THSD7B: variants seen among roughly 807,000 people sequenced by gnomAD.
THSD7B encodes thrombospondin type 1 domain containing 7B.
In THSD7B, 138 loss-of-function variants were observed where a neutral mutation model predicts 213.6. The observed-to-expected ratio is 0.65, with a 90% confidence interval of 0.56 to 0.74. The LOEUF (loss-of-function observed/expected upper bound fraction) is 0.74, where lower values mean the gene tolerates loss of function less well. Ranked by LOEUF, THSD7B falls within the 30% of genes least tolerant of loss-of-function variation. The pLI is 0.00. For synonymous variants in THSD7B, 742 were observed against 687.0 expected, an observed-to-expected ratio of 1.08 and a Z score of -1.25; for missense variants, 1,931 against 1,991.5, an observed-to-expected ratio of 0.97 and a Z score of 0.58.
chr2:137,110,191 C>G (rs951602669), intron 4 of THSD7B, among the ~76,000 whole-genome samples: 3 of 152,166 alleles, frequency 2.0e-5, no homozygotes, highest in African/African-American at 7.2e-5. Context: ...GTCTATCCCA[C>G]CAGAAGGTAA....
At chr2:136,889,812 A>G (rs1429322185) in intron 2 of THSD7B, among the ~76,000 whole-genome samples, 1 of 152,166 alleles carries the variant, frequency 6.6e-6, no homozygotes, top group Non-Finnish European at 1.5e-5. Flanking sequence ...TCTGTGGAAC[A>G]TCCTTTTGCT....
intron 10 of THSD7B, among the ~76,000 whole-genome samples, chr2:137,249,094 CTT>C (rs1462094227): frequency 1.3e-5 from 2 of 152,064 alleles, no homozygotes; most frequent in African/African-American, 4.8e-5. Flanking sequence ...ACGACAAACA[CTT>C]GGGCTTGTAG....
intron 5 of THSD7B, among the ~76,000 whole-genome samples, chr2:137,138,076 T>C (rs1263462913): frequency 6.6e-6 from 1 of 152,036 alleles, no homozygotes; most frequent in African/African-American, 2.4e-5. Flanking sequence ...AGTTCTTTTG[T>C]ACAGATGGGG....
chr2:137,224,711 G>A (rs962901574), intron 7 of THSD7B, among the ~76,000 whole-genome samples: 7 of 151,944 alleles, frequency 4.6e-5, no homozygotes, highest in East Asian at 1.9e-4. Context: ...TCGCTCTGTC[G>A]CCCAGGCTGG....
chr2:136,905,275 T>C (rs1224728305), intron 2 of THSD7B, among the ~76,000 whole-genome samples: 1 of 152,200 alleles, frequency 6.6e-6, no homozygotes, highest in Non-Finnish European at 1.5e-5. Flanking sequence ...GCATCTTCCA[T>C]GGTACTTATT....
intron 1 of THSD7B, among the ~76,000 whole-genome samples, chr2:136,866,917 G>C (rs1573677536): frequency 1.3e-5 from 2 of 149,090 alleles, no homozygotes; most frequent in South Asian, 4.3e-4. Flanking sequence ...ATATGTGTTT[G>C]AGGTTGCTGG....
intron 1 of THSD7B, among the ~76,000 whole-genome samples, chr2:136,853,463 C>T (rs1369037890): frequency 1.3e-5 from 2 of 152,104 alleles, no homozygotes; most frequent in Non-Finnish European, 1.5e-5. Flanking sequence ...GGCAGGATAC[C>T]ATAGAAATGA....
At chr2:137,197,215 C>G (rs1680781728) in intron 7 of THSD7B, among the ~76,000 whole-genome samples, 1 of 152,062 alleles carries the variant, frequency 6.6e-6, no homozygotes, top group African/African-American at 2.4e-5. Context: ...CTAAAAAGGT[C>G]CGGAAATTAG....
At chr2:137,019,295 G>A (rs1393022258) in intron 2 of THSD7B, among the ~76,000 whole-genome samples, 2 of 152,076 alleles carry the variant, frequency 1.3e-5, no homozygotes, top group South Asian at 2.1e-4. Flanking sequence ...CTGAAAACCC[G>A]TATTTATGTT....
At chr2:137,150,353 T>A (rs1679792575) in intron 5 of THSD7B, among the ~76,000 whole-genome samples, 1 of 152,154 alleles carries the variant, frequency 6.6e-6, no homozygotes. Context: ...AAATCTTATC[T>A]TGAATTTTAT....
chr2:137,483,938 C>G (rs1172696947), intron 15 of THSD7B, among the ~76,000 whole-genome samples: 6 of 152,070 alleles, frequency 3.9e-5, no homozygotes, highest in Admixed American at 6.5e-5. Context: ...ATGCTAACAT[C>G]ATTAGTGGAC....
intron 2 of THSD7B, among the ~76,000 whole-genome samples, chr2:136,888,105 A>C (rs1234814548): frequency 6.6e-6 from 1 of 152,138 alleles, no homozygotes; most frequent in Admixed American, 6.5e-5. Context: ...TACAAAAAAG[A>C]GGGGATTATT....
At chr2:136,894,880 C>T (rs1386175801) in intron 2 of THSD7B, among the ~76,000 whole-genome samples, 2 of 152,028 alleles carry the variant, frequency 1.3e-5, no homozygotes, top group African/African-American at 4.8e-5. Context: ...AATATTGGGC[C>T]TCCAATATTT....
intron 12 of THSD7B, among the ~76,000 whole-genome samples, chr2:137,287,479 G>T (rs1225862900): frequency 6.6e-6 from 1 of 151,988 alleles, no homozygotes; most frequent in Admixed American, 6.6e-5. Flanking sequence ...GCATGTTTTG[G>T]GGTAGGATTA....
At chr2:137,048,354 C>A (rs185723303) in intron 2 of THSD7B, among the ~76,000 whole-genome samples, 1 of 151,998 alleles carries the variant, frequency 6.6e-6, no homozygotes. Flanking sequence ...AAAATTATTC[C>A]TTTGAAAAAA....
At chr2:137,171,639 A>G (rs1435703728) in intron 7 of THSD7B, among the ~76,000 whole-genome samples, 1 of 152,210 alleles carries the variant, frequency 6.6e-6, no homozygotes, top group East Asian at 1.9e-4. Flanking sequence ...AATATCGTGT[A>G]TATTTATTAA....
intron 1 of THSD7B, among the ~76,000 whole-genome samples, chr2:136,835,182 C>T (rs1682823652): frequency 1.3e-5 from 2 of 152,128 alleles, no homozygotes; most frequent in Non-Finnish European, 2.9e-5. Flanking sequence ...TTTAAAGTTA[C>T]AGAAAACTGA....
chr2:137,360,034 G>C (rs1351448894), intron 12 of THSD7B, among the ~76,000 whole-genome samples: 1 of 152,190 alleles, frequency 6.6e-6, no homozygotes, highest in Non-Finnish European at 1.5e-5. Flanking sequence ...ATGGGCAACT[G>C]CTATTTGTTT....
rs1461878017 is a variant in THSD7B, at chr2:137,575,738, A to ATATATATG, written c.3423+3187_3423+3188insATGTATAT. On this transcript the variant is annotated intron_variant, in intron 17 of 27. Coordinates refer to ENST00000409968, the MANE Select transcript of THSD7B (RefSeq NM_001316349.2). Reference sequence around the variant, plus strand: ...TCCCATAACACACATATATATATATATATATTTTTACTTTAACATGCTTAC... The same window carrying ATATATATG: ...TCCCATAACACACATATATATATATATATATATGTATATTTTTACTTTAACATGCTTAC... Among the ~76,000 whole-genome samples, 102 of 150,168 alleles carry ATATATATG rather than the reference A, an allele frequency of 6.8e-4. 1 individual carries two copies. The highest frequency in any genetic ancestry group is 2.2e-3 in the African/African-American group (92 of 41,282).
Sources: allele counts gnomAD v4.1 joint callset (sites outside exome capture counted in the v4.1 genomes callset), GRCh38; gene constraint gnomAD v4.1.1; transcripts MANE v1.5; gene names NCBI Gene and HGNC (gene_info 2026-07-23, HGNC 2026-07-21).